PRKX: variants seen among roughly 807,000 people sequenced by gnomAD.
The protein encoded by PRKX is protein kinase cAMP-dependent X-linked catalytic subunit.
Under a neutral mutation model 22.0 loss-of-function variants are expected in PRKX, and 12 were observed. That is an observed-to-expected ratio of 0.54 (90% CI 0.35 to 0.88). The LOEUF (loss-of-function observed/expected upper bound fraction) is 0.88, where lower values mean the gene tolerates loss of function less well. Among genes scored for constraint, PRKX ranks in the 40% least tolerant of loss-of-function variants. PRKX has a pLI of 0.01. For synonymous variants in PRKX, 134 were observed against 137.7 expected (o/e 0.97, Z 0.19); for missense variants, 217 against 308.0 (o/e 0.70, Z 2.21).
rs1214500203 is a variant in PRKX, at chrX:3,617,305, G to A, written c.874-1413C>T. Among the ~76,000 whole-genome samples, 3 of 109,824 alleles carry A rather than the reference G, an allele frequency of 2.7e-5. No homozygotes were observed. In the East Asian group the frequency reaches 8.5e-4, roughly 31 times the overall value. The stretch of plus-strand genomic sequence containing the variant: ...AGAGTACAAAGTATATGTATATACC[G>A]AGATTCACATTAGTATCCAAACTAG... On this transcript the variant is annotated intron_variant, in intron 6 of 8. Transcript: ENST00000262848.
intron 1 of PRKX, among the ~76,000 whole-genome samples, chrX:3,707,035 G>C (rs1928699287): frequency 1.8e-5 from 2 of 111,822 alleles, no homozygotes; most frequent in Admixed American, 1.9e-4. Context: ...ACTGAGGTGG[G>C]AAGATTGCTT....
chrX:3,706,603 C>T (rs756382647), intron 1 of PRKX, among the ~76,000 whole-genome samples: 18 of 112,274 alleles, frequency 1.6e-4, no homozygotes, highest in Admixed American at 1.1e-3. Flanking sequence ...CTCATGCCTT[C>T]GCCCTCCTTT....
intron 6 of PRKX, among the ~76,000 whole-genome samples, chrX:3,618,265 G>A (rs1403588497): frequency 9.0e-6 from 1 of 110,625 alleles, no homozygotes; most frequent in East Asian, 2.8e-4. Flanking sequence ...AACAAGTTCA[G>A]TCAGTGGCTT....
intron 1 of PRKX, 75 bp from the exon 2 acceptor site, chrX:3,674,841 G>A: frequency 1.8e-6 from 2 of 1,118,094 alleles, no homozygotes; most frequent in East Asian, 3.0e-5. Context: ...CATGCAATCA[G>A]CGGGGGGCTG....
chrX:3,617,681 G>A (rs1409939902), intron 6 of PRKX, among the ~76,000 whole-genome samples: 3 of 110,306 alleles, frequency 2.7e-5, no homozygotes, highest in African/African-American at 9.9e-5. Context: ...GTGTGTGGGT[G>A]TGTATCTACA....
At chrX:3,612,410 C>T (rs1281037409) in intron 7 of PRKX, 85 bp from the exon 8 acceptor site, 95 of 988,241 alleles carry the variant, frequency 9.6e-5, no homozygotes, top group Middle Eastern at 2.7e-4. Flanking sequence ...ATTTCTGTCA[C>T]TGTACCTAAA....
chrX:3,626,646 G>T (rs1603473309), intron 4 of PRKX, 132 bp from the exon 5 acceptor site: 1 of 544,530 alleles, frequency 1.8e-6, no homozygotes, highest in East Asian at 3.7e-5. Flanking sequence ...CCCGCACACT[G>T]AAGTTGTCAC....
chrX:3,656,132 T>C (rs1272770931), intron 2 of PRKX, among the ~76,000 whole-genome samples: 1 of 112,080 alleles, frequency 8.9e-6, no homozygotes, highest in Non-Finnish European at 1.9e-5. Context: ...CGTTAGAATA[T>C]GGATAGAGAT....
intron 1 of PRKX, among the ~76,000 whole-genome samples, chrX:3,708,271 C>T (rs1440683837): frequency 9.0e-6 from 1 of 111,389 alleles, no homozygotes; most frequent in African/African-American, 3.3e-5. Flanking sequence ...ATCTGCCATG[C>T]CTTCATCTTG....
chrX:3,655,412 C>CCTGCGGGGACAGACAGCACATG lies in PRKX; in HGVS notation c.336-22_336-1dup (p.Phe113MetfsTer13). The CCTGCGGGGACAGACAGCACATG allele has an allele frequency of 1.7e-6, 2 of 1,212,049 alleles. No individual in the cohort carries two copies. Among genetic ancestry groups the CCTGCGGGGACAGACAGCACATG allele is most frequent in the Non-Finnish European group, 2.2e-6 (2 of 895,593 alleles). On this transcript the variant is annotated frameshift_variant and splice_region_variant. Transcript: ENST00000262848. LOFTEE classifies it high-confidence loss of function. ...AGCGCTCGTCATGCCACGTCCAGAACCTGCGGGGACAGACAGCACATGCTC... is the reference window on the plus strand; with the variant it reads ...AGCGCTCGTCATGCCACGTCCAGAACCTGCGGGGACAGACAGCACATGCTGCGGGGACAGACAGCACATGCTC...
intron 6 of PRKX, among the ~76,000 whole-genome samples, chrX:3,618,666 G>C (rs746962087): frequency 9.0e-6 from 1 of 111,303 alleles, no homozygotes; most frequent in Admixed American, 9.6e-5. Flanking sequence ...GTCTCTTTCA[G>C]TTTATCTCCA....
intron 3 of PRKX, among the ~76,000 whole-genome samples, chrX:3,653,949 T>C (rs1277562331): frequency 1.3e-5 from 1 of 79,907 alleles, no homozygotes; most frequent in Non-Finnish European, 2.2e-5. Flanking sequence ...GTGATATATA[T>C]AATATATATT....
At chrX:3,696,959 G>A (rs1928454732) in intron 1 of PRKX, among the ~76,000 whole-genome samples, 1 of 112,264 alleles carries the variant, frequency 8.9e-6, no homozygotes, top group Non-Finnish European at 1.9e-5. Flanking sequence ...GGTGGAGGTT[G>A]GGGTGAGCCA....
intron 7 of PRKX, among the ~76,000 whole-genome samples, chrX:3,615,512 C>A (rs898984123): frequency 9.0e-6 from 1 of 110,981 alleles, no homozygotes; most frequent in Non-Finnish European, 1.9e-5. Flanking sequence ...AGGAATCAGG[C>A]CAGGTCTCCT....
At chrX:3,692,466 C>G (rs1030359701) in intron 1 of PRKX, among the ~76,000 whole-genome samples, 6 of 110,571 alleles carry the variant, frequency 5.4e-5, no homozygotes, top group African/African-American at 2.0e-4. Context: ...AAATGGTAGC[C>G]ACAAGCTCAC....
intron 1 of PRKX, among the ~76,000 whole-genome samples, chrX:3,686,303 T>C (rs754443168): frequency 2.7e-5 from 3 of 110,973 alleles, no homozygotes; most frequent in Non-Finnish European, 5.7e-5. Context: ...GTCCAAAACA[T>C]AAGTCTTAAG....
At chrX:3,673,501 G>C in intron 2 of PRKX, among the ~76,000 whole-genome samples, 1 of 111,071 alleles carries the variant, frequency 9.0e-6, no homozygotes, top group Non-Finnish European at 1.9e-5. Context: ...ATGTCTTCAA[G>C]GGGAGCAAGG....
At chrX:3,709,860 T>C (rs1264984955) in intron 1 of PRKX, among the ~76,000 whole-genome samples, 2 of 110,593 alleles carry the variant, frequency 1.8e-5, no homozygotes, top group African/African-American at 6.6e-5. Flanking sequence ...GCGATTGTGG[T>C]TGACTGCAGC....
chrX:3,640,868 T>G (rs1442685753), intron 4 of PRKX, among the ~76,000 whole-genome samples: 1 of 111,649 alleles, frequency 9.0e-6, no homozygotes, highest in Non-Finnish European at 1.9e-5. Context: ...CTGATCGTCT[T>G]CATGGCTCAT....
Sources: allele counts gnomAD v4.1 joint callset (sites outside exome capture counted in the v4.1 genomes callset), GRCh38; gene constraint gnomAD v4.1.1; transcripts MANE v1.5; gene names NCBI Gene and HGNC (gene_info 2026-07-23, HGNC 2026-07-21).